Variants in COL25A1 observed in about 807,000 individuals in gnomAD.
The protein encoded by COL25A1 is collagen alpha-1(XXV) chain.
A neutral mutation model predicts 128.4 loss-of-function variants in COL25A1; 103 were observed. The observed-to-expected ratio is 0.80, with a 90% CI of 0.68 to 0.94. COL25A1 has a LOEUF of 0.94. Ranked by LOEUF, COL25A1 falls within the 40% of genes least tolerant of loss-of-function variation. COL25A1 has a pLI of 0.00. For missense variants in COL25A1, 745 were observed against 840.0 expected (o/e 0.89, Z 1.40); for synonymous variants, 279 against 277.2 (o/e 1.01, Z -0.06).
At chr4:109,209,658 A>C (rs1401843408) in intron 3 of COL25A1, among the ~76,000 whole-genome samples, 1 of 152,178 alleles carries the variant, frequency 6.6e-6, no homozygotes, top group East Asian at 1.9e-4. Context: ...TGAAATACAG[A>C]CTATTTCTAC....
Position 109,223,996 on chromosome 4 carries a change from C to G in COL25A1, c.367+76587G>C, listed in dbSNP as rs371742653. Among the ~76,000 whole-genome samples the G allele has an allele frequency of 3.9e-5, 6 of 152,110 alleles. No individual in the cohort carries two copies. The East Asian group carries it at 9.6e-4, about 24-fold the overall frequency. ...TATGTCATCTTCTTCCAAGTAAACA[C>G]CTTAAAGAGCTACACTGACATTTAC... On this transcript the variant is annotated intron_variant, in intron 3 of 37. Transcript: ENST00000399132.
rs562645078 is a variant in COL25A1, at chr4:109,105,624, G to A, written c.368-55445C>T. Among the ~76,000 whole-genome samples, 96 of 152,250 alleles carry A rather than the reference G, an allele frequency of 6.3e-4. 1 individual carries two copies. The highest frequency in any genetic ancestry group is 4.8e-3 in the South Asian group (23 of 4,822). ...TTTATAATATGTAATGGAAAGAACA[G>A]AAAGAAAAATGAAGAGCTATGAAAA... On this transcript the variant is annotated intron_variant, in intron 3 of 37. Transcript: ENST00000399132.
chr4:109,292,002 T>C (rs1724515350), intron 3 of COL25A1, among the ~76,000 whole-genome samples: 1 of 152,126 alleles, frequency 6.6e-6, no homozygotes, highest in Admixed American at 6.6e-5. Flanking sequence ...CTAGTCATGC[T>C]TACAGTACAG....
intron 36 of COL25A1, among the ~76,000 whole-genome samples, chr4:108,817,754 AATT>A (rs1731386141): frequency 6.6e-6 from 1 of 152,164 alleles, no homozygotes; most frequent in Non-Finnish European, 1.5e-5. Flanking sequence ...CTATACTCTT[AATT>A]CCATTAAAAC....
rs1730764577 is a variant in COL25A1, at chr4:108,811,190, T to C, written c.*2737A>G. The C allele has an allele frequency of 6.6e-6, 1 of 152,076 alleles. No individual in the cohort carries two copies. The highest frequency in any genetic ancestry group is 2.4e-5 in the African/African-American group (1 of 41,458). The allele number at this position is 152,076 out of a possible 1,614,324, so 9.4% of individuals were successfully genotyped here. A position where few individuals can be genotyped will look rare whatever the true frequency, so the allele number is the denominator to read the frequency against. ...TTCTCTATATGACAAAATGGATGCT[T>C]GAAAACATTGTAGTAACCAAAAGTT... On this transcript the variant is annotated 3_prime_UTR_variant, in exon 38 of 38. Coordinates refer to ENST00000399132, the MANE Select transcript of COL25A1 (RefSeq NM_198721.4).
At chr4:109,153,955 T>C (rs1181442935) in intron 3 of COL25A1, among the ~76,000 whole-genome samples, 1 of 152,190 alleles carries the variant, frequency 6.6e-6, no homozygotes. Context: ...GGGGTCTGCC[T>C]GACTGTACTA....
chr4:109,001,372 C>CAGGCATCTGAGATCCTGTCAGTT (rs1755352799), intron 6 of COL25A1, among the ~76,000 whole-genome samples: 3 of 24,148 alleles, frequency 1.2e-4, no homozygotes, highest in Admixed American at 5.8e-4. Flanking sequence ...TTAAAAGAAA[C>CAGGCATCTGAGATCCTGTCAGTT]AGGCATCTGA....
intron 3 of COL25A1, among the ~76,000 whole-genome samples, chr4:109,227,495 G>C (rs992303319): frequency 1.3e-5 from 2 of 152,198 alleles, no homozygotes; most frequent in African/African-American, 4.8e-5. Flanking sequence ...TATTTGGAAA[G>C]TGGTTATAGT....
Position 109,302,273 on chromosome 4 carries a change from C to T in COL25A1, c.-161G>A. 2.1e-6 allele frequency: 1 copy of T among 484,652 alleles called. No individual in the cohort carries two copies. Among genetic ancestry groups the T allele is most frequent in the Non-Finnish European group, 3.6e-6 (1 of 279,116 alleles). 30.0% of individuals were successfully genotyped at this position (484,652 alleles called of 1,614,324 possible). On this transcript the variant is annotated 5_prime_UTR_variant, in exon 1 of 38. Transcript: ENST00000399132. ...CACCCTCCGTCCGGGGACTGGGTGG[C>T]GGTGGGGTAAAAAGCAAGACGAAAC...
intron 5 of COL25A1, among the ~76,000 whole-genome samples, chr4:109,019,912 T>C (rs1000486649): frequency 6.6e-6 from 1 of 152,210 alleles, no homozygotes; most frequent in Admixed American, 6.5e-5. Flanking sequence ...TAGTTTGATT[T>C]GGTCTCCATA....
intron 23 of COL25A1, among the ~76,000 whole-genome samples, chr4:108,860,264 G>C (rs771473603): frequency 1.3e-5 from 2 of 152,040 alleles, no homozygotes; most frequent in Non-Finnish European, 2.9e-5. Context: ...GCTAGTTTTT[G>C]TATTTTTAGT....
chr4:109,215,279 C>T (rs1365515544), intron 3 of COL25A1, among the ~76,000 whole-genome samples: 1 of 152,100 alleles, frequency 6.6e-6, no homozygotes, highest in Non-Finnish European at 1.5e-5. Flanking sequence ...TCTTTTTATT[C>T]TCTATTCTAA....
intron 3 of COL25A1, among the ~76,000 whole-genome samples, chr4:109,170,494 A>G (rs1420761398): frequency 6.6e-6 from 1 of 152,086 alleles, no homozygotes; most frequent in African/African-American, 2.4e-5. Context: ...TGATTAATAA[A>G]ACAACAACAA....
At chr4:108,927,213 C>A (rs979776781) in intron 11 of COL25A1, among the ~76,000 whole-genome samples, 2 of 152,156 alleles carry the variant, frequency 1.3e-5, no homozygotes, top group African/African-American at 4.8e-5. Flanking sequence ...CACACCCAGA[C>A]AAAGCTTGTT....
chr4:108,884,631 T>A (rs555190709), intron 18 of COL25A1, among the ~76,000 whole-genome samples: 1 of 152,316 alleles, frequency 6.6e-6, no homozygotes, highest in African/African-American at 2.4e-5. Flanking sequence ...CCTTAGATAA[T>A]CAAGAGTTGG....
At chr4:109,293,090 A>G (rs911842885) in intron 3 of COL25A1, among the ~76,000 whole-genome samples, 3 of 152,078 alleles carry the variant, frequency 2.0e-5, no homozygotes, top group African/African-American at 7.2e-5. Context: ...AGGGTAATAC[A>G]AACAACTTAA....
chr4:109,001,617 G>A (rs1755425533), intron 6 of COL25A1, among the ~76,000 whole-genome samples: 1 of 152,206 alleles, frequency 6.6e-6, no homozygotes. Context: ...TTTTGAATCT[G>A]AGCAGAAACT....
chr4:109,267,499 C>T (rs1032598664), intron 3 of COL25A1, among the ~76,000 whole-genome samples: 1 of 152,020 alleles, frequency 6.6e-6, no homozygotes, highest in Non-Finnish European at 1.5e-5. Flanking sequence ...TCAATGTCTC[C>T]CATCAAACTA....
chr4:109,171,828 C>T (rs879599251), intron 3 of COL25A1, among the ~76,000 whole-genome samples: 5 of 152,174 alleles, frequency 3.3e-5, no homozygotes, highest in Non-Finnish European at 7.3e-5. Flanking sequence ...GGACACTTCT[C>T]GCATGAGCCC....
Sources: allele counts gnomAD v4.1 joint callset (sites outside exome capture counted in the v4.1 genomes callset), GRCh38; gene constraint gnomAD v4.1.1; transcripts MANE v1.5; gene names NCBI Gene and HGNC (gene_info 2026-07-23, HGNC 2026-07-21).